Variants in ANKRD17 observed in about 807,000 individuals in gnomAD.
The protein encoded by ANKRD17 is ankyrin repeat domain-containing protein 17.
A neutral mutation model predicts 229.7 loss-of-function variants in ANKRD17; 19 were observed. The ratio of observed to expected loss-of-function variants is 0.08; its 90% CI spans 0.06 to 0.12. The LOEUF (loss-of-function observed/expected upper bound fraction) is 0.12. Ranked by LOEUF, ANKRD17 falls within the 10% of genes least tolerant of loss-of-function variation. The pLI is 1.00. For missense variants in ANKRD17, 2,176 were observed against 3,176.8 expected (o/e 0.68, Z 7.57); for synonymous variants, 1,112 against 1,146.1 (o/e 0.97, Z 0.60).
chr4:73,219,943 G>A (rs1741629957), intron 1 of ANKRD17, among the ~76,000 whole-genome samples: 1 of 152,016 alleles, frequency 6.6e-6, no homozygotes, highest in African/African-American at 2.4e-5. Context: ...TCCTAAAACT[G>A]GCTCAATTAT....
intron 1 of ANKRD17, among the ~76,000 whole-genome samples, chr4:73,223,863 T>C (rs1161731428): frequency 6.6e-6 from 1 of 152,228 alleles, no homozygotes; most frequent in South Asian, 2.1e-4. Flanking sequence ...ATATATATTA[T>C]ATTCATTCCT....
At chr4:73,109,856 T>C (rs1467832424) in intron 24 of ANKRD17, among the ~76,000 whole-genome samples, 2 of 151,352 alleles carry the variant, frequency 1.3e-5, no homozygotes, top group Non-Finnish European at 2.9e-5. Flanking sequence ...CATTTATTGG[T>C]CGGTGGTGTT....
chr4:73,241,358 C>A (rs898525567), intron 1 of ANKRD17, among the ~76,000 whole-genome samples: 1 of 151,960 alleles, frequency 6.6e-6, no homozygotes, highest in Non-Finnish European at 1.5e-5. Flanking sequence ...ATGGAAGCAA[C>A]CCAAACGGTC....
chr4:73,087,423 A>G (rs1722312560), intron 29 of ANKRD17, among the ~76,000 whole-genome samples: 1 of 152,196 alleles, frequency 6.6e-6, no homozygotes, highest in African/African-American at 2.4e-5. Context: ...GGTTCAAAAC[A>G]TCACCTATAT....
At chr4:73,184,271 C>T (rs1199804040) in intron 1 of ANKRD17, among the ~76,000 whole-genome samples, 1 of 151,970 alleles carries the variant, frequency 6.6e-6, no homozygotes, top group Non-Finnish European at 1.5e-5. Flanking sequence ...TGGCTCACGC[C>T]TAATCCCAGC....
chr4:73,231,317 G>C (rs1230647082), intron 1 of ANKRD17, among the ~76,000 whole-genome samples: 3 of 152,144 alleles, frequency 2.0e-5, no homozygotes, highest in African/African-American at 7.2e-5. Flanking sequence ...AAAATAATCA[G>C]GAAGTAAAAA....
At position 73,142,630 on chromosome 4, in the gene ANKRD17, A is replaced by C. The variant is rs768185766; in HGVS notation, c.2085+10T>G. The C allele has an allele frequency of 1.1e-5, 18 of 1,613,912 alleles. No individual in the cohort carries two copies. The highest frequency in any genetic ancestry group is 1.4e-5 in the Non-Finnish European group (17 of 1,179,892). On this transcript the variant is annotated intron_variant, in intron 12 of 33. Coordinates refer to ENST00000358602, the MANE Select transcript of ANKRD17 (RefSeq NM_032217.5). ...ATTCACAATTCTGCACAAACATTTG[A>C]GTTACATACTTTCAAACGGTGAGTA...
At chr4:73,201,218 AT>A (rs1457066657) in intron 1 of ANKRD17, among the ~76,000 whole-genome samples, 4 of 152,158 alleles carry the variant, frequency 2.6e-5, no homozygotes, top group Non-Finnish European at 4.4e-5. Flanking sequence ...CAGAAAAAAA[AT>A]GTTTATCACA....
In ANKRD17 at chr4:73,148,795, CTT is replaced by C. The variant is rs753424428; in HGVS notation, c.1567+16_1567+17del. 7.5e-6 allele frequency: 12 copies of C among 1,600,678 alleles called. No individual in the cohort carries two copies. The highest frequency in any genetic ancestry group is 9.4e-6 in the Non-Finnish European group (11 of 1,168,172). On this transcript the variant is annotated intron_variant, in intron 8 of 33. Coordinates refer to ENST00000358602, the MANE Select transcript of ANKRD17 (RefSeq NM_032217.5). ...GTTTTACACATTTATACTTTAGTGT[CTT>C]GATAGATACGGTTACCTTGACCAAG...
At chr4:73,248,163 T>C (rs1026718239) in intron 1 of ANKRD17, among the ~76,000 whole-genome samples, 3 of 152,032 alleles carry the variant, frequency 2.0e-5, no homozygotes, top group South Asian at 4.1e-4. Flanking sequence ...AAAATTAGAA[T>C]GGATGACTCT....
intron 1 of ANKRD17, among the ~76,000 whole-genome samples, chr4:73,240,180 A>G (rs1743885557): frequency 6.6e-6 from 1 of 152,156 alleles, no homozygotes; most frequent in Non-Finnish European, 1.5e-5. Flanking sequence ...CAAATCAGTA[A>G]GAACACTATA....
chr4:73,224,077 G>A (rs1238005980), intron 1 of ANKRD17, among the ~76,000 whole-genome samples: 1 of 152,096 alleles, frequency 6.6e-6, no homozygotes, highest in East Asian at 1.9e-4. Context: ...CCAACATGGT[G>A]AAACCCCGTC....
At chr4:73,099,900 G>C (rs575827629) in intron 25 of ANKRD17, among the ~76,000 whole-genome samples, 29 of 152,054 alleles carry the variant, frequency 1.9e-4, no homozygotes, top group Non-Finnish European at 3.8e-4. Flanking sequence ...GTCCAGGTGA[G>C]GCCCACAAGC....
At chr4:73,155,924 T>A in intron 4 of ANKRD17, 95 bp downstream of exon 4, 1 of 1,498,854 alleles carries the variant, frequency 6.7e-7, no homozygotes, top group Non-Finnish European at 8.9e-7. Context: ...GTTGAAATAA[T>A]CCTAATGGTT....
chr4:73,124,288 G>GGAAAAAAAAAA (rs536665785), intron 18 of ANKRD17, among the ~76,000 whole-genome samples: 1 of 96,230 alleles, frequency 1.0e-5, no homozygotes, highest in Non-Finnish European at 1.9e-5. Context: ...GACTGAATTT[G>GGAAAAAAAAAA]AAAAAAAAAA....
Position 73,082,599 on chromosome 4 carries a change from C to T in ANKRD17, c.7159+2650G>A, listed in dbSNP as rs553475131. On this transcript the variant is annotated intron_variant, in intron 30 of 33. Coordinates refer to ENST00000358602, the MANE Select transcript of ANKRD17 (RefSeq NM_032217.5). ...GTGCTCCTACAGTAAAATTACACTG[C>T]ACATTTCTCACAGTTTAGTTCAGTG... Among the ~76,000 whole-genome samples, 16 of 152,278 alleles carry T rather than the reference C, an allele frequency of 1.1e-4. 1 individual carries two copies. Among genetic ancestry groups the T allele is most frequent in the African/African-American group, 3.9e-4 (16 of 41,556 alleles).
chr4:73,160,210 CTTTTTTTT>C (rs144486458), intron 3 of ANKRD17, among the ~76,000 whole-genome samples: 1 of 61,562 alleles, frequency 1.6e-5, no homozygotes, highest in Non-Finnish European at 2.9e-5. Flanking sequence ...TTTCTTATCA[CTTTTTTTT>C]TTTTTTTTTT....
At chr4:73,155,061 TAATA>T (rs1731492067) in intron 5 of ANKRD17, among the ~76,000 whole-genome samples, 1 of 151,590 alleles carries the variant, frequency 6.6e-6, no homozygotes, top group Non-Finnish European at 1.5e-5. Flanking sequence ...AAAAAAAATT[TAATA>T]AATTTGAAAA....
intron 2 of ANKRD17, among the ~76,000 whole-genome samples, chr4:73,163,020 G>C (rs1178070875): frequency 6.6e-6 from 1 of 151,280 alleles, no homozygotes; most frequent in East Asian, 1.9e-4. Context: ...CACCATGCCT[G>C]GCTAATTGCT....
Sources: gnomAD v4.1 joint callset for allele counts (sites outside exome capture counted in the v4.1 genomes callset) on GRCh38, gnomAD v4.1.1 for gene constraint, MANE v1.5 for transcripts, NCBI Gene and HGNC (gene_info 2026-07-23, HGNC 2026-07-21) for gene names.